EIF3D: variants seen among roughly 807,000 people sequenced by gnomAD.
EIF3D encodes the protein eIF3 p66.
A neutral mutation model predicts 75.4 loss-of-function variants in EIF3D; 10 were observed. That is an observed-to-expected ratio of 0.13 (90% CI 0.08 to 0.22). EIF3D has a LOEUF of 0.22. Among genes scored for constraint, EIF3D ranks in the 10% least tolerant of loss-of-function variants. The pLI is 1.00. For missense variants in EIF3D, 394 were observed against 708.0 expected, an observed-to-expected ratio of 0.56 and a Z score of 5.03; for synonymous variants, 246 against 248.3, an observed-to-expected ratio of 0.99 and a Z score of 0.09.
In EIF3D at chr22:36,523,257, C is replaced by T. The variant is rs1027397689; in HGVS notation, c.417G>A (p.Lys139=). The change falls in exon 6 of 15, where the codon AAG becomes AAA. Residue 139 remains lysine (K), a synonymous_variant. Coordinates refer to ENST00000216190, the MANE Select transcript of EIF3D (RefSeq NM_003753.4). ...GCCTAACCCCAAATTGTTTCTGGAA[C>T]TTTTTCTGCAGTCGAATGCGTTCTC... is the stretch of plus-strand genomic sequence containing the variant. The part of the protein sequence containing the change: ...KERERIRLQK[K]FQKQFGVRQK... 6.2e-7 allele frequency: 1 copy of T among 1,613,810 alleles called. No individual in the cohort carries two copies. The highest frequency in any genetic ancestry group is 8.5e-7 in the Non-Finnish European group (1 of 1,179,874).
intron 12 of EIF3D, 96 bp downstream of exon 12, chr22:36,516,382 A>T (rs955855839): frequency 4.1e-6 from 6 of 1,458,814 alleles, no homozygotes; most frequent in Non-Finnish European, 5.6e-6. Context: ...ACGAAAGGGG[A>T]TAAGAAACAG....
At chr22:36,511,391 C>G in intron 14 of EIF3D, 112 bp downstream of exon 14, 1 of 1,532,488 alleles carries the variant, frequency 6.5e-7, no homozygotes, top group Non-Finnish European at 8.7e-7. Context: ...ATACTTAAGT[C>G]TCAGGGAATT....
At chr22:36,519,929 T>C (rs1934486509) in intron 7 of EIF3D, among the ~76,000 whole-genome samples, 1 of 152,232 alleles carries the variant, frequency 6.6e-6, no homozygotes, top group South Asian at 2.1e-4. Flanking sequence ...AGATTCCTCC[T>C]GAAGAATTGC....
intron 9 of EIF3D, 136 bp from the exon 10 acceptor site, chr22:36,517,567 C>T (rs1220505863): frequency 9.6e-7 from 1 of 1,043,822 alleles, no homozygotes; most frequent in Non-Finnish European, 1.3e-6. Flanking sequence ...AAGTGGGTCT[C>T]CCTGGTGTGG....
At chr22:36,519,261 A>G (rs1934474224) in intron 8 of EIF3D, 144 bp downstream of exon 8, 1 of 1,226,260 alleles carries the variant, frequency 8.2e-7, no homozygotes, top group South Asian at 1.5e-5. Flanking sequence ...TGTGCTTAAC[A>G]TCCACATTTC....
chr22:36,525,907 AGTTAAGATTTTGAGACAAT>A (rs1934590791), intron 2 of EIF3D, 73 bp downstream of exon 2: 17 of 1,520,294 alleles, frequency 1.1e-5, no homozygotes, highest in Non-Finnish European at 1.5e-5. Flanking sequence ...GAAATTCAGG[AGTTAAGATTTTGAGACAAT>A]AAAATCTAAA....
chr22:36,510,983 T>G lies in EIF3D; in HGVS notation c.*4A>C, dbSNP rs758832517. ...AGGACAAACTCCAGCTCCACATCACTGGTTTAAGTTTCTTCCTCTGAAAGA... is the reference window on the plus strand; with the variant it reads ...AGGACAAACTCCAGCTCCACATCACGGGTTTAAGTTTCTTCCTCTGAAAGA... On this transcript the variant is annotated 3_prime_UTR_variant, in exon 15 of 15. Coordinates refer to ENST00000216190, the MANE Select transcript of EIF3D (RefSeq NM_003753.4). 1.7e-5 allele frequency: 28 copies of G among 1,607,870 alleles called. No individual in the cohort carries two copies. The South Asian group carries it at 3.1e-4, about 18-fold the overall frequency.
At chr22:36,527,397 T>G (rs1273510743) in intron 1 of EIF3D, among the ~76,000 whole-genome samples, 1 of 152,226 alleles carries the variant, frequency 6.6e-6, no homozygotes, top group Non-Finnish European at 1.5e-5. Context: ...CTCTGCATAA[T>G]GCTATAGCCC....
chr22:36,525,635 T>C (rs538810153), intron 3 of EIF3D, 29 bp downstream of exon 3: 9 of 1,610,922 alleles, frequency 5.6e-6, no homozygotes, highest in African/African-American at 2.7e-5. Flanking sequence ...AAGGCCCTGA[T>C]TGGGGCATTC....
At chr22:36,524,754 T>A (rs1468213387) in intron 3 of EIF3D, 22 bp from the exon 4 acceptor site, 1 of 1,614,070 alleles carries the variant, frequency 6.2e-7, no homozygotes, top group Non-Finnish European at 8.5e-7. Flanking sequence ...GGTGATGGCA[T>A]GTAGTAACTG....
intron 2 of EIF3D, 58 bp from the exon 3 acceptor site, chr22:36,525,767 A>C: frequency 6.3e-7 from 1 of 1,589,470 alleles, no homozygotes; most frequent in South Asian, 1.1e-5. Context: ...GTTTCTGCAG[A>C]ACCAGAAATC....
At chr22:36,524,130 C>T (rs1934558757) in intron 4 of EIF3D, 150 bp from the exon 5 acceptor site, 1 of 785,264 alleles carries the variant, frequency 1.3e-6, no homozygotes, top group Non-Finnish European at 2.1e-6. Flanking sequence ...GCATCAACAG[C>T]TTGGGGGTGT....
At chr22:36,523,768 G>A in intron 5 of EIF3D, 127 bp downstream of exon 5, 1 of 892,492 alleles carries the variant, frequency 1.1e-6, no homozygotes, top group Non-Finnish European at 1.8e-6. Flanking sequence ...GGCTTAACTG[G>A]TTGTAGAAAG....
chr22:36,517,490 A>G, intron 9 of EIF3D, 59 bp from the exon 10 acceptor site: 2 of 1,545,858 alleles, frequency 1.3e-6, no homozygotes, highest in Non-Finnish European at 1.7e-6. Flanking sequence ...CAATGTGCGC[A>G]GCGCTGTGGG....
intron 12 of EIF3D, among the ~76,000 whole-genome samples, chr22:36,515,352 A>G (rs956849301): frequency 6.6e-5 from 10 of 152,156 alleles, no homozygotes; most frequent in African/African-American, 2.2e-4. Flanking sequence ...AACATGGAGA[A>G]ACCCCATCTC....
rs115549819 is a variant in EIF3D at position 36,512,432 on chromosome 22, G to A, written c.1349+28C>T. On this transcript the variant is annotated intron_variant, in intron 13 of 14. Coordinates refer to ENST00000216190, the MANE Select transcript of EIF3D (RefSeq NM_003753.4). ...CCAGACCCTTCCTTTCACAAGATCA[G>A]CTGCCAGCTCCTGCACAGGAATCTC... is the stretch of plus-strand genomic sequence containing the variant. The A allele has an allele frequency of 5.9e-4, 947 of 1,612,694 alleles. 4 individuals are homozygous for A. The African/African-American group carries it at 0.011, about 19-fold the overall frequency.
rs1441720326 is a variant in EIF3D, at chr22:36,524,749, T to C, written c.170-17A>G. On this transcript the variant is annotated splice_polypyrimidine_tract_variant and intron_variant, in intron 3 of 14. Transcript: ENST00000216190. ...AGTACTTATCTGGAGGCAAAGGTGA[T>C]GGCATGTAGTAACTGCACCCACAGA... The C allele has an allele frequency of 6.2e-7, 1 of 1,614,228 alleles. No homozygotes were observed. Among genetic ancestry groups the C allele is most frequent in the South Asian group, 1.1e-5 (1 of 91,086 alleles).
intron 1 of EIF3D, among the ~76,000 whole-genome samples, chr22:36,528,063 G>A (rs999001746): frequency 6.6e-6 from 1 of 152,112 alleles, no homozygotes; most frequent in East Asian, 1.9e-4. Flanking sequence ...GAGCTCCTAC[G>A]TGTTAGGCCC....
chr22:36,512,667 T>C (rs1263412001), intron 12 of EIF3D, 65 bp from the exon 13 acceptor site: 2 of 1,555,936 alleles, frequency 1.3e-6, no homozygotes, highest in Non-Finnish European at 1.7e-6. Flanking sequence ...TGGGACCTCC[T>C]CTGGCAGAGA....
Sources: gnomAD v4.1 joint callset for allele counts (sites outside exome capture counted in the v4.1 genomes callset) on GRCh38, gnomAD v4.1.1 for gene constraint, MANE v1.5 for transcripts, NCBI Gene and HGNC (gene_info 2026-07-23, HGNC 2026-07-21) for gene names.